RALYL: variants seen among roughly 807,000 people sequenced by gnomAD.
The protein encoded by RALYL is RNA-binding Raly-like protein.
Under a neutral mutation model 35.1 loss-of-function variants are expected in RALYL, and 29 were observed. That is an observed-to-expected ratio of 0.83 (90% CI 0.61 to 1.13). The LOEUF is 1.13. Among genes scored for constraint, RALYL ranks in the 50% most tolerant of loss-of-function variants. The pLI is 0.00. For missense variants in RALYL, 359 were observed against 360.4 expected (o/e 1.00, Z 0.03); for synonymous variants, 120 against 127.6 (o/e 0.94, Z 0.40).
At chr8:84,609,506 A>G (rs1006517668) in intron 2 of RALYL, among the ~76,000 whole-genome samples, 5 of 152,288 alleles carry the variant, frequency 3.3e-5, no homozygotes, top group Admixed American at 3.3e-4. Flanking sequence ...TGTACACATT[A>G]AAAGTATTCA....
intron 1 of RALYL, among the ~76,000 whole-genome samples, chr8:84,388,667 C>T (rs908498840): frequency 4.2e-4 from 64 of 151,948 alleles, no homozygotes; most frequent in Non-Finnish European, 5.7e-4. Context: ...TCATGTCCTT[C>T]GCCCACTTTT....
chr8:84,825,338 T>A (rs10108273), intron 4 of RALYL, among the ~76,000 whole-genome samples: 38,670 of 151,764 alleles, frequency 0.25, 7,431 homozygotes, highest in African/African-American at 0.53. Context: ...TAAAAAAAAT[T>A]AAAAACCACA....
chr8:84,865,736 A>C (rs973053104), intron 6 of RALYL, among the ~76,000 whole-genome samples: 3 of 152,198 alleles, frequency 2.0e-5, no homozygotes, highest in African/African-American at 7.2e-5. Flanking sequence ...AATTCGATCA[A>C]GTCAATTTCT....
intron 2 of RALYL, among the ~76,000 whole-genome samples, chr8:84,561,012 T>A (rs1035623855): frequency 6.6e-6 from 1 of 152,080 alleles, no homozygotes; most frequent in Non-Finnish European, 1.5e-5. Flanking sequence ...GAAGTTTGAA[T>A]GTATTTTTCA....
intron 1 of RALYL, among the ~76,000 whole-genome samples, chr8:84,450,681 C>A (rs1479734476): frequency 6.6e-6 from 1 of 151,734 alleles, no homozygotes; most frequent in Admixed American, 6.6e-5. Flanking sequence ...TTTTTTTCTA[C>A]TTGTATTTCA....
At chr8:84,403,522 C>CTTTT (rs2043136000) in intron 1 of RALYL, among the ~76,000 whole-genome samples, 4 of 52,146 alleles carry the variant, frequency 7.7e-5, no homozygotes, top group African/African-American at 1.4e-4. Context: ...GTCTATATCT[C>CTTTT]TGTTTTTTTT....
chr8:84,524,943 T>C (rs2058759166), intron 1 of RALYL, among the ~76,000 whole-genome samples: 3 of 151,714 alleles, frequency 2.0e-5, no homozygotes, highest in Admixed American at 1.3e-4. Context: ...AATAGCTAGA[T>C]GTATTTCTGA....
chr8:84,505,218 A>G (rs762011055), intron 1 of RALYL, among the ~76,000 whole-genome samples: 1 of 152,082 alleles, frequency 6.6e-6, no homozygotes, highest in South Asian at 2.1e-4. Flanking sequence ...TTTCTTTCTC[A>G]TATCACAGTT....
intron 1 of RALYL, among the ~76,000 whole-genome samples, chr8:84,428,344 C>T (rs2046770247): frequency 6.6e-6 from 1 of 152,042 alleles, no homozygotes; most frequent in South Asian, 2.1e-4. Flanking sequence ...ATAAAAATTC[C>T]ATCACCTCCG....
intron 1 of RALYL, among the ~76,000 whole-genome samples, chr8:84,245,947 G>C (rs1828995135): frequency 6.6e-6 from 1 of 152,276 alleles, no homozygotes; most frequent in Middle Eastern, 3.4e-3. Flanking sequence ...AGCAAATGCA[G>C]AGAGAGCTTC....
rs2132019824 is a variant in RALYL at position 84,403,487 on chromosome 8, C to CTGAGG, written c.-23-125811_-23-125807dup. On this transcript the variant is annotated intron_variant, in intron 1 of 8. Coordinates refer to ENST00000521268, the MANE Select transcript of RALYL (RefSeq NM_173848.7). Reference sequence around the variant, plus strand: ...TGGTTGTAGATGAGTGGTGTTATTTCTGAGGGCTCTGTTCTGTTCCATTGG... The same window carrying CTGAGG: ...TGGTTGTAGATGAGTGGTGTTATTTCTGAGGTGAGGGCTCTGTTCTGTTCCATTGG... Among the ~76,000 whole-genome samples the CTGAGG allele has an allele frequency of 2.9e-5, 3 of 104,108 alleles. No individual in the cohort carries two copies. The South Asian group carries it at 9.2e-4, about 32-fold the overall frequency. 68.3% of individuals were successfully genotyped at this position (104,108 alleles called of 152,430 possible).
At chr8:84,437,509 C>T (rs1236461917) in intron 1 of RALYL, among the ~76,000 whole-genome samples, 1 of 152,156 alleles carries the variant, frequency 6.6e-6, no homozygotes, top group African/African-American at 2.4e-5. Flanking sequence ...TGCAGCCTCA[C>T]CAGCATCTGT....
intron 2 of RALYL, among the ~76,000 whole-genome samples, chr8:84,573,696 C>T (rs980895051): frequency 7.2e-5 from 11 of 151,742 alleles, no homozygotes; most frequent in African/African-American, 2.7e-4. Context: ...ACTGAAGTTC[C>T]TGTCAGTTCT....
intron 2 of RALYL, among the ~76,000 whole-genome samples, chr8:84,543,906 C>A (rs948931301): frequency 1.3e-5 from 2 of 152,012 alleles, no homozygotes; most frequent in Non-Finnish European, 2.9e-5. Context: ...ACAGTGACAT[C>A]GATCAGCATT....
intron 1 of RALYL, among the ~76,000 whole-genome samples, chr8:84,412,147 C>T (rs985907651): frequency 6.6e-6 from 1 of 151,084 alleles, no homozygotes; most frequent in African/African-American, 2.4e-5. Context: ...TTTTAAAGGA[C>T]AATGATAATT....
At chr8:84,403,536 T>TTTTG (rs2043151651) in intron 1 of RALYL, among the ~76,000 whole-genome samples, 1 of 133,302 alleles carries the variant, frequency 7.5e-6, no homozygotes, top group Non-Finnish European at 1.5e-5. Context: ...TTTTTTTTTT[T>TTTTG]TTTTTTTTTT....
intron 1 of RALYL, among the ~76,000 whole-genome samples, chr8:84,231,886 G>A (rs1250139298): frequency 6.6e-6 from 1 of 152,050 alleles, no homozygotes; most frequent in Non-Finnish European, 1.5e-5. Context: ...GAAAAGTTCA[G>A]TACAGATCAG....
intron 3 of RALYL, among the ~76,000 whole-genome samples, chr8:84,782,680 G>A (rs1189683531): frequency 1.3e-5 from 2 of 152,202 alleles, no homozygotes; most frequent in East Asian, 1.9e-4. Flanking sequence ...TCACTGTGGG[G>A]TATTGCGGTT....
At chr8:84,313,269 G>A (rs1243291713) in intron 1 of RALYL, among the ~76,000 whole-genome samples, 1 of 152,194 alleles carries the variant, frequency 6.6e-6, no homozygotes, top group Non-Finnish European at 1.5e-5. Flanking sequence ...AGGCCTCTAG[G>A]CCTGTGATGG....
Sources: allele counts gnomAD v4.1 joint callset (sites outside exome capture counted in the v4.1 genomes callset), GRCh38; gene constraint gnomAD v4.1.1; transcripts MANE v1.5; gene names NCBI Gene and HGNC (gene_info 2026-07-23, HGNC 2026-07-21).